RALYL: variants seen among roughly 807,000 people sequenced by gnomAD.
The protein encoded by RALYL is RALY RNA binding protein like.
A neutral mutation model predicts 35.1 loss-of-function variants in RALYL; 29 were observed. The ratio of observed to expected loss-of-function variants is 0.83; its 90% CI spans 0.61 to 1.13. The LOEUF is 1.13. Among genes scored for constraint, RALYL ranks in the 50% most tolerant of loss-of-function variants. The pLI is 0.00. For synonymous variants in RALYL, 120 were observed against 127.6 expected, an observed-to-expected ratio of 0.94 and a Z score of 0.40; for missense variants, 359 against 360.4, an observed-to-expected ratio of 1.00 and a Z score of 0.03.
intron 2 of RALYL, among the ~76,000 whole-genome samples, chr8:84,726,841 G>T (rs574720191): frequency 6.6e-6 from 1 of 152,038 alleles, no homozygotes; most frequent in African/African-American, 2.4e-5. Context: ...GCCTTGTGAG[G>T]GTTGTAAATA....
chr8:84,696,977 C>T (rs1839271572), intron 2 of RALYL, among the ~76,000 whole-genome samples: 1 of 151,880 alleles, frequency 6.6e-6, no homozygotes, highest in African/African-American at 2.4e-5. Flanking sequence ...TAAATTATAC[C>T]TGAAAATTCA....
At chr8:84,754,292 T>A (rs934984204) in intron 2 of RALYL, among the ~76,000 whole-genome samples, 1 of 152,072 alleles carries the variant, frequency 6.6e-6, no homozygotes, top group South Asian at 2.1e-4. Context: ...ATATACCAGG[T>A]TGAACAATTT....
At chr8:84,207,640 T>C (rs1479921863) in intron 1 of RALYL, among the ~76,000 whole-genome samples, 4 of 152,082 alleles carry the variant, frequency 2.6e-5, no homozygotes, top group Non-Finnish European at 5.9e-5. Context: ...GAAGATCTAA[T>C]ATACTCAGCA....
chr8:84,485,167 T>A (rs1254267558), intron 1 of RALYL, among the ~76,000 whole-genome samples: 1 of 152,144 alleles, frequency 6.6e-6, no homozygotes, highest in Non-Finnish European at 1.5e-5. Flanking sequence ...CTTTTGGTGA[T>A]CTCATTTAGT....
Position 84,298,183 on chromosome 8 carries a change from T to C in RALYL, c.-24+113759T>C, listed in dbSNP as rs141721318. Among the ~76,000 whole-genome samples the C allele has an allele frequency of 3.0e-3, 463 of 152,074 alleles. 4 individuals are homozygous for C. The highest frequency in any genetic ancestry group is 0.011 in the African/African-American group (452 of 41,558). ...TAGTTTTAGGTTTTACATCTAAGCC[T>C]TTAATCCATCTTGAGTTGATTTTTG... On this transcript the variant is annotated intron_variant, in intron 1 of 8. Transcript: ENST00000521268.
intron 2 of RALYL, among the ~76,000 whole-genome samples, chr8:84,770,340 C>T (rs1815126482): frequency 7.2e-5 from 11 of 152,032 alleles, no homozygotes; most frequent in Admixed American, 7.2e-4. Context: ...ATAACAGCCT[C>T]CAGTTCCATC....
chr8:84,311,089 A>T (rs1563712460), intron 1 of RALYL, among the ~76,000 whole-genome samples: 1 of 142,564 alleles, frequency 7.0e-6, no homozygotes. Flanking sequence ...AAAAAAAAAA[A>T]AATGTATATT....
intron 2 of RALYL, among the ~76,000 whole-genome samples, chr8:84,626,186 G>A (rs1822685261): frequency 6.6e-6 from 1 of 151,582 alleles, no homozygotes; most frequent in African/African-American, 2.4e-5. Flanking sequence ...AATTTACTAA[G>A]TTAGAGAACA....
chr8:84,777,921 G>A (rs1263865433), intron 3 of RALYL, among the ~76,000 whole-genome samples: 1 of 152,138 alleles, frequency 6.6e-6, no homozygotes, highest in Non-Finnish European at 1.5e-5. Flanking sequence ...GATTACAGGC[G>A]TGAGCCACCG....
chr8:84,548,419 AT>A (rs1363316351), intron 2 of RALYL, among the ~76,000 whole-genome samples: 1 of 152,044 alleles, frequency 6.6e-6, no homozygotes, highest in Non-Finnish European at 1.5e-5. Context: ...AGTTACTACC[AT>A]TTCCTTAAAA....
At chr8:84,224,612 T>A (rs574565398) in intron 1 of RALYL, among the ~76,000 whole-genome samples, 1 of 152,206 alleles carries the variant, frequency 6.6e-6, no homozygotes, top group South Asian at 2.1e-4. Flanking sequence ...TTTTTATGAA[T>A]GTAGAATGAT....
chr8:84,705,860 C>A, intron 2 of RALYL: 1 of 1,369,352 alleles, frequency 7.3e-7, no homozygotes, highest in South Asian at 1.6e-5. Context: ...TGTAGCATCT[C>A]CCCTGTAATT....
At chr8:84,360,972 A>G (rs950055345) in intron 1 of RALYL, among the ~76,000 whole-genome samples, 8 of 151,868 alleles carry the variant, frequency 5.3e-5, no homozygotes, top group Non-Finnish European at 7.4e-5. Flanking sequence ...GAAAAAAAAA[A>G]AAAAAGAAAA....
At chr8:84,804,659 A>T in intron 3 of RALYL, 111 bp from the exon 4 acceptor site, 1 of 415,516 alleles carries the variant, frequency 2.4e-6, no homozygotes, top group Non-Finnish European at 3.9e-6. Flanking sequence ...GTGCTACATT[A>T]TGCATTTTCA....
intron 4 of RALYL, among the ~76,000 whole-genome samples, chr8:84,844,824 T>C (rs1415677187): frequency 6.6e-6 from 1 of 152,148 alleles, no homozygotes; most frequent in Admixed American, 6.5e-5. Flanking sequence ...TGTAGGGACA[T>C]GGATGAAGCT....
At chr8:84,696,166 C>T (rs915462104) in intron 2 of RALYL, among the ~76,000 whole-genome samples, 1 of 151,282 alleles carries the variant, frequency 6.6e-6, no homozygotes, top group Non-Finnish European at 1.5e-5. Flanking sequence ...AATTTAAGTG[C>T]ACAAAGTATA....
intron 5 of RALYL, among the ~76,000 whole-genome samples, chr8:84,859,249 G>A (rs1837639143): frequency 6.6e-6 from 1 of 152,106 alleles, no homozygotes; most frequent in Non-Finnish European, 1.5e-5. Context: ...CCAATCAGAG[G>A]TACTTTCAAT....
intron 2 of RALYL, among the ~76,000 whole-genome samples, chr8:84,583,720 T>G (rs1564187145): frequency 6.6e-6 from 1 of 152,154 alleles, no homozygotes; most frequent in Non-Finnish European, 1.5e-5. Flanking sequence ...ATAAAATATA[T>G]TCTTAAAAAA....
chr8:84,881,440 A>G (rs1459663869), intron 7 of RALYL, among the ~76,000 whole-genome samples: 2 of 152,030 alleles, frequency 1.3e-5, no homozygotes, highest in Admixed American at 6.6e-5. Context: ...GCTAGCAATT[A>G]TCTAGCAATT....
Sources: gnomAD v4.1 joint callset for allele counts (sites outside exome capture counted in the v4.1 genomes callset) on GRCh38, gnomAD v4.1.1 for gene constraint, MANE v1.5 for transcripts, NCBI Gene and HGNC (gene_info 2026-07-23, HGNC 2026-07-21) for gene names.